The following PDE5A variants were observed in gnomAD, a reference collection of about 807,000 sequenced individuals.
PDE5A encodes phosphodiesterase 5A.
Under a neutral mutation model 110.2 loss-of-function variants are expected in PDE5A, and 67 were observed. The observed-to-expected ratio is 0.61, with a 90% CI of 0.50 to 0.75. The LOEUF (loss-of-function observed/expected upper bound fraction) is 0.75. Among genes scored for constraint, PDE5A ranks in the 30% least tolerant of loss-of-function variants. The pLI is 0.00. For missense variants in PDE5A, 862 were observed against 1,045.1 expected (o/e 0.82, Z 2.42); for synonymous variants, 328 against 351.2 (o/e 0.93, Z 0.74).
chr4:119,511,309 CAA>C (rs1210717105), intron 14 of PDE5A, among the ~76,000 whole-genome samples, 175 bp from the exon 15 acceptor site: 1 of 151,994 alleles, frequency 6.6e-6, no homozygotes, highest in Non-Finnish European at 1.5e-5. Flanking sequence ...GAAACAAATA[CAA>C]AGAGTCAAAT....
chr4:119,623,404 C>T (rs991767543), intron 1 of PDE5A, among the ~76,000 whole-genome samples: 19 of 152,010 alleles, frequency 1.2e-4, no homozygotes, highest in Non-Finnish European at 1.9e-4. Context: ...TTTTTTTATC[C>T]TAGGAAGAGG....
intron 2 of PDE5A, among the ~76,000 whole-genome samples, chr4:119,598,614 A>G (rs1206936542): frequency 1.3e-5 from 2 of 152,210 alleles, no homozygotes; most frequent in Non-Finnish European, 2.9e-5. Flanking sequence ...TGCTGAAGAC[A>G]TCTATAAGAC....
intron 3 of PDE5A, among the ~76,000 whole-genome samples, chr4:119,588,544 A>G (rs1353290919): frequency 7.2e-6 from 1 of 138,602 alleles, no homozygotes; most frequent in Non-Finnish European, 1.6e-5. Context: ...AAAAAAAAAA[A>G]GAATCTACAA....
At position 119,601,467 on chromosome 4, in the gene PDE5A, C is replaced by T. The variant is rs144705332; in HGVS notation, c.742-4855G>A. On this transcript the variant is annotated intron_variant, in intron 2 of 20. Transcript: ENST00000354960. ...CCCCACCCCCCGCCACCTCCCATAC[C>T]TTGTCTTATGCATCTCTTCCATTTG... 7.6e-3 allele frequency among the ~76,000 whole-genome samples: 1,162 copies of T among 152,070 alleles called. 19 individuals carry two copies. The highest frequency in any genetic ancestry group is 0.027 in the African/African-American group (1,103 of 41,474).
chr4:119,571,433 G>C (rs1728136807), intron 3 of PDE5A, among the ~76,000 whole-genome samples: 1 of 152,138 alleles, frequency 6.6e-6, no homozygotes, highest in African/African-American at 2.4e-5. Context: ...GCAGAGTCAA[G>C]GAAACATTTG....
In PDE5A at chr4:119,606,723, T is replaced by C; in HGVS notation, c.727A>G (p.Lys243Glu). ...VAALGEPLNI[K>E]DAYEDPRFNA... Reference sequence around the variant, plus strand: ...CCCCTGTTTACCTCATATGCATCTTTGATGTTCAAGGGCTCACCAAGCGCT... The same window carrying C: ...CCCCTGTTTACCTCATATGCATCTTCGATGTTCAAGGGCTCACCAAGCGCT... Residue 243 changes from lysine to glutamate, a missense_variant, in exon 2 of 21, where the codon AAA becomes GAA. Transcript: ENST00000354960. 1 of 1,613,768 alleles carries C rather than the reference T, an allele frequency of 6.2e-7. No homozygotes were observed. Among genetic ancestry groups the C allele is most frequent in the South Asian group, 1.1e-5 (1 of 91,066 alleles).
intron 7 of PDE5A, among the ~76,000 whole-genome samples, chr4:119,556,372 T>C (rs1727540299): frequency 6.6e-6 from 1 of 152,124 alleles, no homozygotes; most frequent in South Asian, 2.1e-4. Flanking sequence ...AATGTGGATA[T>C]AATGACTGGA....
At chr4:119,517,489 A>T (rs1725952612) in intron 14 of PDE5A, among the ~76,000 whole-genome samples, 1 of 146,992 alleles carries the variant, frequency 6.8e-6, no homozygotes, top group South Asian at 2.1e-4. Context: ...AATCTTTGAA[A>T]CTGCTTTAAC....
chr4:119,600,137 A>T (rs1169065718), intron 2 of PDE5A, among the ~76,000 whole-genome samples: 1 of 152,064 alleles, frequency 6.6e-6, no homozygotes, highest in African/African-American at 2.4e-5. Flanking sequence ...CTAAAGAGAA[A>T]GATATTAAAA....
intron 3 of PDE5A, among the ~76,000 whole-genome samples, chr4:119,582,632 C>A (rs563117555): frequency 1.3e-5 from 2 of 152,166 alleles, no homozygotes; most frequent in African/African-American, 2.4e-5. Flanking sequence ...TATGGCCTTA[C>A]GAAATGAATT....
intron 17 of PDE5A, among the ~76,000 whole-genome samples, 187 bp downstream of exon 17, chr4:119,505,668 C>T (rs1725525159): frequency 6.6e-6 from 1 of 151,918 alleles, no homozygotes; most frequent in Admixed American, 6.6e-5. Flanking sequence ...CTTGGATTTG[C>T]AAATGCATTT....
At chr4:119,535,124 G>A (rs1726685354) in intron 11 of PDE5A, among the ~76,000 whole-genome samples, 1 of 152,162 alleles carries the variant, frequency 6.6e-6, no homozygotes, top group Non-Finnish European at 1.5e-5. Flanking sequence ...CTCTGACCCA[G>A]ATATCCAATG....
intron 3 of PDE5A, among the ~76,000 whole-genome samples, chr4:119,577,655 C>G (rs1301510041): frequency 6.6e-6 from 1 of 152,164 alleles, no homozygotes; most frequent in Non-Finnish European, 1.5e-5. Context: ...GCTAAAAACT[C>G]TCAATAAATT....
rs542907342 is a variant in PDE5A at position 119,607,445 on chromosome 4, A to G, written c.153-148T>C. 5.6e-4 allele frequency: 351 copies of G among 632,390 alleles called. 1 individual carries two copies. Among genetic ancestry groups the G allele is most frequent in the Non-Finnish European group, 8.2e-4 (304 of 372,632 alleles). 39.2% of individuals were successfully genotyped at this position (632,390 alleles called of 1,614,324 possible). A position where few individuals can be genotyped will look rare whatever the true frequency, so the allele number is the denominator to read the frequency against. On this transcript the variant is annotated intron_variant, in intron 1 of 20. Transcript: ENST00000354960. ...AAAAACAAGATGGTTTACTTAAGACATATGATTTTGGCCAGGCACAGTGGT... is the reference window on the plus strand; with the variant it reads ...AAAAACAAGATGGTTTACTTAAGACGTATGATTTTGGCCAGGCACAGTGGT...
At chr4:119,622,246 G>A (rs1255000071) in intron 1 of PDE5A, among the ~76,000 whole-genome samples, 1 of 151,864 alleles carries the variant, frequency 6.6e-6, no homozygotes, top group African/African-American at 2.4e-5. Context: ...GATCCTGTGT[G>A]TGTGTTTTAA....
intron 1 of PDE5A, among the ~76,000 whole-genome samples, chr4:119,625,142 C>A (rs190293379): frequency 6.6e-6 from 1 of 151,800 alleles, no homozygotes. Flanking sequence ...GGATTACAGG[C>A]GCGCGCCATA....
Position 119,553,724 on chromosome 4 carries a change from T to G in PDE5A, c.1222A>C (p.Asn408His). 1.3e-6 allele frequency: 2 copies of G among 1,581,984 alleles called. No homozygotes were observed. The highest frequency in any genetic ancestry group is 1.7e-6 in the Non-Finnish European group (2 of 1,151,016). ...LTREHDANKINYMYAQYVKNT... is the reference protein window; with the variant it reads ...LTREHDANKIHYMYAQYVKNT... The stretch of plus-strand genomic sequence containing the variant: ...TTGACATACTGAGCATACATGTAAT[T>G]GATTTTGTTTGCATCATGTTCCCTG... Residue 408 changes from asparagine to histidine, a missense_variant, in exon 8 of 21, where the codon AAT becomes CAT. Transcript: ENST00000354960.
At chr4:119,619,044 T>C (rs192262540) in intron 1 of PDE5A, among the ~76,000 whole-genome samples, 232 of 152,312 alleles carry the variant, frequency 1.5e-3, no homozygotes, top group African/African-American at 5.4e-3. Flanking sequence ...TCATTAGTCA[T>C]GTGAATTAAT....
chr4:119,627,919 C>G lies in PDE5A; in HGVS notation c.152+601G>C. On this transcript the variant is annotated intron_variant, in intron 1 of 20. Coordinates refer to ENST00000354960, the MANE Select transcript of PDE5A (RefSeq NM_001083.4). The surrounding 1 kb of genome is among the most constrained non-coding windows in gnomAD (Gnocchi z 4.6). The stretch of plus-strand genomic sequence containing the variant: ...GCTCTACTTTTGGCGGCACAGCCTT[C>G]GGCGGAAAAGCGAGTGAAAGGAGGC... 1 of 405,970 alleles carries G rather than the reference C, an allele frequency of 2.5e-6. No individual in the cohort carries two copies. The highest frequency in any genetic ancestry group is 3.3e-6 in the Non-Finnish European group (1 of 300,112). The allele number at this position is 405,970 out of a possible 1,614,324, so 25.1% of individuals were successfully genotyped here. A position where few individuals can be genotyped will look rare whatever the true frequency, so the allele number is the denominator to read the frequency against.
Sources: allele counts gnomAD v4.1 joint callset (sites outside exome capture counted in the v4.1 genomes callset), GRCh38; gene constraint gnomAD v4.1.1; non-coding constraint Gnocchi (gnomAD v3.1); transcripts MANE v1.5; gene names NCBI Gene and HGNC (gene_info 2026-07-23, HGNC 2026-07-21).